The following SENP7 variants were observed in gnomAD, a reference collection of about 807,000 sequenced individuals.
SENP7 encodes the protein sentrin-specific protease 7.
In SENP7, 64 loss-of-function variants were observed where a neutral mutation model predicts 141.2. The ratio of observed to expected loss-of-function variants is 0.45; its 90% CI spans 0.37 to 0.56. The LOEUF is 0.56. Among genes scored for constraint, SENP7 ranks in the 20% least tolerant of loss-of-function variants. The probability of loss-of-function intolerance (pLI) is 0.00; values close to 1 mark genes in which losing one functional copy is unlikely to be tolerated. For synonymous variants in SENP7, 382 were observed against 426.4 expected (o/e 0.90, Z 1.28); for missense variants, 1,025 against 1,212.2 (o/e 0.85, Z 2.29).
chr3:101,334,871 C>T (rs1199998844), intron 17 of SENP7, among the ~76,000 whole-genome samples: 1 of 152,078 alleles, frequency 6.6e-6, no homozygotes, highest in Non-Finnish European at 1.5e-5. Flanking sequence ...ACATAATCTC[C>T]TATTCTCAGT....
chr3:101,407,257 C>T (rs2061332302), intron 5 of SENP7, among the ~76,000 whole-genome samples: 3 of 152,086 alleles, frequency 2.0e-5, no homozygotes, highest in African/African-American at 2.4e-5. Flanking sequence ...CATATATGCA[C>T]CTAACACTGG....
At chr3:101,367,678 T>G (rs999607734) in intron 8 of SENP7, 152 bp downstream of exon 8, 3 of 509,260 alleles carry the variant, frequency 5.9e-6, no homozygotes, top group Non-Finnish European at 6.8e-6. Context: ...CATTTAGAAT[T>G]GTTTTTTAAT....
intron 3 of SENP7, among the ~76,000 whole-genome samples, chr3:101,488,915 G>A (rs1363120263): frequency 6.6e-6 from 1 of 152,158 alleles, no homozygotes; most frequent in East Asian, 1.9e-4. Context: ...AGAGAGAAGG[G>A]TCAGGTCATG....
At chr3:101,512,688 A>T (rs566235930) in intron 1 of SENP7, among the ~76,000 whole-genome samples, 2 of 152,276 alleles carry the variant, frequency 1.3e-5, no homozygotes, top group African/African-American at 4.8e-5. Flanking sequence ...AGGGACGCAA[A>T]GTCGAGAATC....
intron 5 of SENP7, among the ~76,000 whole-genome samples, chr3:101,401,336 C>T (rs2061135304): frequency 6.6e-6 from 1 of 151,830 alleles, no homozygotes; most frequent in South Asian, 2.1e-4. Flanking sequence ...CAAGACCAGC[C>T]TTGCCAACAT....
At chr3:101,435,537 A>G (rs1186046835) in intron 4 of SENP7, among the ~76,000 whole-genome samples, 8 of 152,114 alleles carry the variant, frequency 5.3e-5, no homozygotes, top group African/African-American at 1.9e-4. Context: ...GGAAAAACCT[A>G]CAGACTCCAT....
At chr3:101,366,837 C>A in intron 8 of SENP7, 68 bp from the exon 9 acceptor site, 1 of 950,116 alleles carries the variant, frequency 1.1e-6, no homozygotes, top group Non-Finnish European at 1.5e-6. Flanking sequence ...TTTTTAAATT[C>A]CTAAAAAAAA....
intron 4 of SENP7, among the ~76,000 whole-genome samples, chr3:101,457,040 C>T (rs1433630513): frequency 6.6e-6 from 1 of 152,054 alleles, no homozygotes; most frequent in Non-Finnish European, 1.5e-5. Context: ...CAGGCTTCTT[C>T]GGCTTTATTA....
chr3:101,506,643 T>G (rs2065623463), intron 1 of SENP7, among the ~76,000 whole-genome samples: 1 of 152,156 alleles, frequency 6.6e-6, no homozygotes, highest in African/African-American at 2.4e-5. Flanking sequence ...AGCTAGAATA[T>G]ATGATGGAAT....
chr3:101,361,983 C>A, intron 10 of SENP7, 122 bp from the exon 11 acceptor site: 3 of 1,027,296 alleles, frequency 2.9e-6, no homozygotes, highest in Non-Finnish European at 4.0e-6. Flanking sequence ...GAACTTTATA[C>A]TGTTCTTACT....
intron 4 of SENP7, among the ~76,000 whole-genome samples, chr3:101,434,915 T>C (rs1304600827): frequency 1.3e-5 from 2 of 152,102 alleles, no homozygotes; most frequent in African/African-American, 4.8e-5. Context: ...TCCAAACTCA[T>C]TCTACAAGTC....
intron 23 of SENP7, among the ~76,000 whole-genome samples, chr3:101,326,977 G>C (rs1205169798): frequency 6.6e-6 from 1 of 151,516 alleles, no homozygotes; most frequent in Admixed American, 6.6e-5. Context: ...TGTCCAATAA[G>C]TTCCTAATTT....
intron 3 of SENP7, among the ~76,000 whole-genome samples, chr3:101,468,647 C>T (rs1041081468): frequency 6.6e-6 from 1 of 152,170 alleles, no homozygotes; most frequent in African/African-American, 2.4e-5. Flanking sequence ...CCTTTACAGA[C>T]AAGCAAATGC....
At chr3:101,492,631 A>G (rs1218359515) in intron 3 of SENP7, among the ~76,000 whole-genome samples, 2 of 152,144 alleles carry the variant, frequency 1.3e-5, no homozygotes, top group Non-Finnish European at 2.9e-5. Flanking sequence ...ACGTGTGCCC[A>G]GAGAAAAAGC....
intron 3 of SENP7, among the ~76,000 whole-genome samples, chr3:101,479,341 G>A (rs2064350103): frequency 6.6e-6 from 1 of 152,190 alleles, no homozygotes; most frequent in Non-Finnish European, 1.5e-5. Flanking sequence ...TCAGCTGGGT[G>A]CAGTGGCTCA....
At chr3:101,397,653 G>C (rs2061008058) in intron 6 of SENP7, among the ~76,000 whole-genome samples, 2 of 152,080 alleles carry the variant, frequency 1.3e-5, no homozygotes, top group African/African-American at 2.4e-5. Flanking sequence ...AGAAAATAAA[G>C]AGTTTTAAAT....
intron 4 of SENP7, among the ~76,000 whole-genome samples, chr3:101,436,915 T>C (rs925542053): frequency 8.5e-5 from 13 of 152,372 alleles, no homozygotes; most frequent in African/African-American, 3.1e-4. Flanking sequence ...GATCCAGCCA[T>C]TCCACTGCTG....
At chr3:101,419,968 G>T (rs1211678677) in intron 4 of SENP7, among the ~76,000 whole-genome samples, 1 of 152,170 alleles carries the variant, frequency 6.6e-6, no homozygotes, top group Non-Finnish European at 1.5e-5. Flanking sequence ...GTGAAAATGC[G>T]ATTCAGAACC....
At chr3:101,420,226 G>A (rs2061747748) in intron 4 of SENP7, among the ~76,000 whole-genome samples, 1 of 152,114 alleles carries the variant, frequency 6.6e-6, no homozygotes, top group Admixed American at 6.5e-5. Context: ...AAATTAGCCG[G>A]GCATGGTGGC....
Sources: gnomAD v4.1 joint callset for allele counts (sites outside exome capture counted in the v4.1 genomes callset) on GRCh38, gnomAD v4.1.1 for gene constraint, MANE v1.5 for transcripts, NCBI Gene and HGNC (gene_info 2026-07-23, HGNC 2026-07-21) for gene names.